LSG1: variants seen among roughly 807,000 people sequenced by gnomAD.
The protein encoded by LSG1 is large 60S subunit nuclear export GTPase 1.
LSG1 carries 55 observed loss-of-function variants against 82.6 expected under a neutral mutation model. The observed-to-expected ratio is 0.67, with a 90% CI of 0.54 to 0.83. The LOEUF (loss-of-function observed/expected upper bound fraction) is 0.83. Among genes scored for constraint, LSG1 ranks in the 40% least tolerant of loss-of-function variants. The pLI, the probability that LSG1 is intolerant of heterozygous loss-of-function variation, is 0.00. For missense variants in LSG1, 809 were observed against 807.9 expected (o/e 1.00, Z -0.02); for synonymous variants, 272 against 282.5 (o/e 0.96, Z 0.37).
At position 194,670,283 on chromosome 3, in the gene LSG1, G is replaced by A; in HGVS notation, c.100-148C>T. 7 of 677,016 alleles carry A rather than the reference G, an allele frequency of 1.0e-5. No individual in the cohort carries two copies. In the East Asian group the frequency reaches 1.7e-4, roughly 16 times the overall value. The allele number at this position is 677,016 out of a possible 1,614,324, so 41.9% of individuals were successfully genotyped here. A position where few individuals can be genotyped will look rare whatever the true frequency, so the allele number is the denominator to read the frequency against. ...ATACTACTTATAGTTAATGTTTAAA[G>A]GAACACGTTCTTACCTCACAATAGG... On this transcript the variant is annotated intron_variant, in intron 1 of 13. Coordinates refer to ENST00000265245, the MANE Select transcript of LSG1 (RefSeq NM_018385.3).
chr3:194,665,484 C>A, intron 5 of LSG1, 73 bp downstream of exon 5: 2 of 1,070,896 alleles, frequency 1.9e-6, no homozygotes, highest in Non-Finnish European at 1.4e-6. Context: ...AGCCTATAAG[C>A]CTATATCAAC....
At chr3:194,645,171 G>C (rs1718493279) in intron 12 of LSG1, 1 of 153,920 alleles carries the variant, frequency 6.5e-6, no homozygotes, top group African/African-American at 2.4e-5. Flanking sequence ...CTGGGTGCAA[G>C]TCTGCCTCTT....
In LSG1 at chr3:194,660,134, C is replaced by A. The variant is rs1455838514; in HGVS notation, c.522-1G>T. 1 of 1,613,568 alleles carries A rather than the reference C, an allele frequency of 6.2e-7. No individual in the cohort carries two copies. The highest frequency in any genetic ancestry group is 8.5e-7 in the Non-Finnish European group (1 of 1,179,498). ...ATCTACTATCTGGACCACAATATCACTGAAAAACAAACACGAGATAGACCA... is the reference window on the plus strand; with the variant it reads ...ATCTACTATCTGGACCACAATATCAATGAAAAACAAACACGAGATAGACCA... On this transcript the variant is annotated splice_acceptor_variant, in intron 5 of 13. Coordinates refer to ENST00000265245, the MANE Select transcript of LSG1 (RefSeq NM_018385.3). LOFTEE classifies it high-confidence loss of function.
intron 1 of LSG1, among the ~76,000 whole-genome samples, chr3:194,671,103 G>C (rs1426924101): frequency 6.6e-6 from 1 of 152,140 alleles, no homozygotes; most frequent in Non-Finnish European, 1.5e-5. Flanking sequence ...CTCTAAAAAT[G>C]AATAACTGAA....
In LSG1 at chr3:194,665,621, T is replaced by C. The variant is rs1327177216; in HGVS notation, c.457A>G (p.Ile153Val). The C allele has an allele frequency of 6.2e-7, 1 of 1,612,734 alleles. No individual in the cohort carries two copies. The highest frequency in any genetic ancestry group is 1.1e-5 in the South Asian group (1 of 90,896). ...AAATTTCGTTCAAATGGAGTCAATA[T>C]CAGCTTCTGTTCCTCTTCTAGCCTA... ...LVRLEEEQKL[I>V]LTPFERNLDF... The change falls in exon 5 of 14, where the codon ATA (isoleucine) becomes GTA (valine). Residue 153 changes from isoleucine (I) to valine (V), a missense_variant. By Grantham distance (29) the Ile-to-Val change is conservative (BLOSUM62 3). Coordinates refer to ENST00000265245, the MANE Select transcript of LSG1 (RefSeq NM_018385.3).
chr3:194,645,539 C>CACACACACACAGACAG (rs1718516411), intron 12 of LSG1: 1 of 32,386 alleles, frequency 3.1e-5, no homozygotes, highest in Non-Finnish European at 6.8e-5. Flanking sequence ...CAGACAGACA[C>CACACACACACAGACAG]ACACACACAC....
intron 7 of LSG1, among the ~76,000 whole-genome samples, chr3:194,653,806 G>A (rs113476265): frequency 3.9e-5 from 6 of 152,316 alleles, no homozygotes; most frequent in African/African-American, 1.4e-4. Flanking sequence ...TGGCGGAGGT[G>A]GGAGGATCGC....
At chr3:194,651,089 C>A in intron 9 of LSG1, 26 bp downstream of exon 9, 3 of 1,613,712 alleles carry the variant, frequency 1.9e-6, no homozygotes, top group Non-Finnish European at 2.5e-6. Flanking sequence ...GAGCTGCATG[C>A]AAGTGGCAAA....
At chr3:194,645,601 C>CACACACAG (rs1718533202) in intron 12 of LSG1, among the ~76,000 whole-genome samples, 3 of 127,302 alleles carry the variant, frequency 2.4e-5, no homozygotes, top group Admixed American at 8.4e-5. Flanking sequence ...CACACACACA[C>CACACACAG]ACACACACAC....
intron 12 of LSG1, chr3:194,644,977 TTTC>T (rs1718489549): frequency 8.1e-6 from 3 of 371,908 alleles, no homozygotes; most frequent in Non-Finnish European, 1.4e-5. Flanking sequence ...ATGAAATCTC[TTTC>T]TTCTTTTCTC....
In LSG1 at chr3:194,660,110, T is replaced by C. The variant is rs1718893847; in HGVS notation, c.545A>G (p.Asp182Gly). The C allele has an allele frequency of 6.2e-7, 1 of 1,614,068 alleles. No homozygotes were observed. Among genetic ancestry groups the C allele is most frequent in the Non-Finnish European group, 8.5e-7 (1 of 1,179,954 alleles). The change falls in exon 6 of 14, where the codon GAT becomes GGT. Residue 182 changes from aspartate (D) to glycine (G), a missense_variant. Coordinates refer to ENST00000265245, the MANE Select transcript of LSG1 (RefSeq NM_018385.3). Reference protein sequence around the residue: ...ERSDIVVQIVDARNPLLFRCE... With the variant: ...ERSDIVVQIVGARNPLLFRCE... ...TCTAAACAGGAGTGGGTTTCGAGCA[T>C]CTACTATCTGGACCACAATATCACT...
rs1718402795 is a variant in LSG1 at position 194,642,003 on chromosome 3, C to A, written c.*65G>T. The A allele has an allele frequency of 1.3e-6, 2 of 1,552,224 alleles. No homozygotes were observed. Among genetic ancestry groups the A allele is most frequent in the Non-Finnish European group, 1.8e-6 (2 of 1,141,252 alleles). ...TAGTGTCTTGGGACGGTTCCACAGG[C>A]AACAGGCAGCTTCTGCTCTTTTCCA... On this transcript the variant is annotated 3_prime_UTR_variant, in exon 14 of 14. Transcript: ENST00000265245.
At chr3:194,649,785 T>A (rs1718634579) in intron 10 of LSG1, among the ~76,000 whole-genome samples, 1 of 152,150 alleles carries the variant, frequency 6.6e-6, no homozygotes, top group African/African-American at 2.4e-5. Flanking sequence ...TTTACTCTAC[T>A]TACAAGCCAG....
intron 5 of LSG1, among the ~76,000 whole-genome samples, chr3:194,664,836 C>G (rs1718999714): frequency 6.6e-6 from 1 of 152,110 alleles, no homozygotes; most frequent in African/African-American, 2.4e-5. Context: ...GGGAGCACTG[C>G]TTGAACCCAG....
At chr3:194,643,255 T>C (rs192168157) in intron 13 of LSG1, among the ~76,000 whole-genome samples, 1 of 152,370 alleles carries the variant, frequency 6.6e-6, no homozygotes, top group Admixed American at 6.5e-5. Context: ...ATTTATGAAG[T>C]CTGTTTCTTT....
At chr3:194,657,362 C>T (rs912746699) in intron 7 of LSG1, among the ~76,000 whole-genome samples, 9 of 151,732 alleles carry the variant, frequency 5.9e-5, no homozygotes, top group Non-Finnish European at 8.8e-5. Context: ...GGTACTAAAC[C>T]ATTAACATAT....
chr3:194,645,557 C>CACACACAGACAG (rs1718522390), intron 12 of LSG1, among the ~76,000 whole-genome samples: 1 of 55,930 alleles, frequency 1.8e-5, no homozygotes, highest in Non-Finnish European at 3.6e-5. Flanking sequence ...CACACACACA[C>CACACACAGACAG]ACACACACAC....
chr3:194,664,739 C>A (rs887713142), intron 5 of LSG1, among the ~76,000 whole-genome samples: 7 of 151,850 alleles, frequency 4.6e-5, no homozygotes, highest in African/African-American at 1.7e-4. Flanking sequence ...CATGGTGAAA[C>A]CCTGTCTCTA....
intron 8 of LSG1, among the ~76,000 whole-genome samples, chr3:194,652,249 G>A (rs1174802945): frequency 6.6e-6 from 1 of 152,180 alleles, no homozygotes. Flanking sequence ...CTGGGGATGG[G>A]ATCTGCTTTC....
Sources: allele counts gnomAD v4.1 joint callset (sites outside exome capture counted in the v4.1 genomes callset), GRCh38; gene constraint gnomAD v4.1.1; transcripts MANE v1.5; gene names NCBI Gene and HGNC (gene_info 2026-07-23, HGNC 2026-07-21).